Variants in ORC5 observed in about 807,000 individuals in gnomAD.
ORC5 encodes the protein protein phosphatase 1, regulatory subunit 117.
Under a neutral mutation model 58.8 loss-of-function variants are expected in ORC5, and 39 were observed. The ratio of observed to expected loss-of-function variants is 0.66; its 90% CI spans 0.51 to 0.87. ORC5 has a LOEUF of 0.87. Ranked by LOEUF, ORC5 falls within the 40% of genes least tolerant of loss-of-function variation. ORC5 has a pLI of 0.00. For missense variants in ORC5, 493 were observed against 506.3 expected (o/e 0.97, Z 0.25); for synonymous variants, 218 against 177.6 (o/e 1.23, Z -1.81).
intron 11 of ORC5, among the ~76,000 whole-genome samples, chr7:104,162,183 C>T (rs1443242876): frequency 6.6e-6 from 1 of 151,916 alleles, no homozygotes; most frequent in Admixed American, 6.6e-5. Flanking sequence ...ATATTTATTT[C>T]TTTTTTTGAG....
In ORC5 at chr7:104,136,258, C is replaced by T. The variant is rs1270013784; in HGVS notation, c.1262+523G>A. Reference sequence around the variant, plus strand: ...CACAATTCCTCATTCTACCACTCTCCTCGTGCCCCTTCAGTATGTATCCAT... The same window carrying T: ...CACAATTCCTCATTCTACCACTCTCTTCGTGCCCCTTCAGTATGTATCCAT... On this transcript the variant is annotated intron_variant, in intron 13 of 13. Coordinates refer to ENST00000297431, the MANE Select transcript of ORC5 (RefSeq NM_002553.4). The surrounding 1 kb of genome is among the most constrained non-coding windows in gnomAD (Gnocchi z 4.2). Among the ~76,000 whole-genome samples the T allele has an allele frequency of 1.3e-5, 2 of 152,018 alleles. No individual in the cohort carries two copies. Among genetic ancestry groups the T allele is most frequent in the African/African-American group, 4.8e-5 (2 of 41,384 alleles).
chr7:104,161,367 T>C (rs1018848534), intron 11 of ORC5, among the ~76,000 whole-genome samples, 185 bp from the exon 12 acceptor site: 3 of 152,262 alleles, frequency 2.0e-5, no homozygotes, highest in African/African-American at 7.2e-5. Flanking sequence ...ATCCTTTTTT[T>C]AAGTTTGTTT....
intron 5 of ORC5, among the ~76,000 whole-genome samples, chr7:104,193,399 T>C (rs796845427): frequency 1.3e-5 from 2 of 152,022 alleles, no homozygotes; most frequent in African/African-American, 4.8e-5. Flanking sequence ...ACACAATAAC[T>C]AAACCAAAAA....
At chr7:104,175,687 T>A (rs1007794871) in intron 8 of ORC5, among the ~76,000 whole-genome samples, 4 of 152,204 alleles carry the variant, frequency 2.6e-5, no homozygotes, top group African/African-American at 9.7e-5. Flanking sequence ...CATTTCTCTG[T>A]CTGGCATAAA....
In ORC5 at chr7:104,163,483, T is replaced by G. The variant is rs920441889; in HGVS notation, c.1038+1752A>C. ...AAAGCCACCATGGTTTGGGGGGTTT[T>G]GTTTTGTTTGTTTGTCTGTTTGAGA... On this transcript the variant is annotated intron_variant, in intron 11 of 13. Transcript: ENST00000297431. 3.3e-5 allele frequency among the ~76,000 whole-genome samples: 5 copies of G among 152,204 alleles called. No homozygotes were observed. In the East Asian group the frequency reaches 9.7e-4, roughly 29 times the overall value.
At chr7:104,185,817 T>C (rs1481085148) in intron 6 of ORC5, among the ~76,000 whole-genome samples, 1 of 151,948 alleles carries the variant, frequency 6.6e-6, no homozygotes, top group Non-Finnish European at 1.5e-5. Flanking sequence ...TATATTAGTT[T>C]GTTCCCAAGT....
intron 12 of ORC5, among the ~76,000 whole-genome samples, chr7:104,147,563 C>T (rs1252246988): frequency 2.0e-5 from 3 of 152,130 alleles, no homozygotes; most frequent in Non-Finnish European, 4.4e-5. Context: ...ATCAATACTT[C>T]ACTTAATAGA....
chr7:104,177,737 G>A (rs1002945438), intron 8 of ORC5, among the ~76,000 whole-genome samples: 3 of 151,892 alleles, frequency 2.0e-5, no homozygotes, highest in South Asian at 2.1e-4. Context: ...CCTCCACCCC[G>A]CAAAAGGCCC....
intron 9 of ORC5, 110 bp from the exon 10 acceptor site, chr7:104,166,994 C>T (rs1274963024): frequency 3.2e-6 from 2 of 619,632 alleles, no homozygotes; most frequent in Admixed American, 5.8e-5. Context: ...GTCAAAATGA[C>T]CTATTTCCTT....
intron 13 of ORC5, 26 bp from the exon 14 acceptor site, chr7:104,126,919 T>C (rs1798437089): frequency 3.3e-6 from 5 of 1,529,146 alleles, no homozygotes; most frequent in Non-Finnish European, 4.5e-6. Flanking sequence ...GATAATATGT[T>C]AGCATTCTCA....
At chr7:104,200,573 C>T (rs1177598120) in intron 3 of ORC5, among the ~76,000 whole-genome samples, 185 bp downstream of exon 3, 1 of 152,164 alleles carries the variant, frequency 6.6e-6, no homozygotes, top group African/African-American at 2.4e-5. Flanking sequence ...ATGTATGTGT[C>T]ATACCTTTTC....
chr7:104,168,302 A>G, intron 9 of ORC5, 171 bp downstream of exon 9: 1 of 1,193,284 alleles, frequency 8.4e-7, no homozygotes, highest in Non-Finnish European at 1.1e-6. Flanking sequence ...CCATTAAATT[A>G]GAGCTTCAGT....
At chr7:104,190,389 CAAT>C (rs1382575689) in intron 5 of ORC5, among the ~76,000 whole-genome samples, 2 of 152,014 alleles carry the variant, frequency 1.3e-5, no homozygotes, top group Admixed American at 1.3e-4. Context: ...TCTTTTTTTA[CAAT>C]AATCATCACC....
chr7:104,184,129 C>T lies in ORC5; in HGVS notation c.727G>A (p.Gly243Arg). The change falls in exon 7 of 14, where the codon GGA (glycine) becomes AGA (arginine). Residue 243 changes from glycine to arginine, a missense_variant. Around this residue, in one of 3 missense-constraint regions of ORC5, gnomAD observed 412 missense variants for 403.7 expected, o/e 1.02. Coordinates refer to ENST00000297431, the MANE Select transcript of ORC5 (RefSeq NM_002553.4). Reference protein sequence around the residue: ...FPKYCEPVVKGEASERDTRKL... With the variant: ...FPKYCEPVVKREASERDTRKL... ...AGTAAAATTACACAGTTACCTTCTC[C>T]TTTAACCACGGGTTCACAATATTTA... 1 of 1,589,844 alleles carries T rather than the reference C, an allele frequency of 6.3e-7. No individual in the cohort carries two copies. Among genetic ancestry groups the T allele is most frequent in the Non-Finnish European group, 8.6e-7 (1 of 1,163,640 alleles).
chr7:104,130,340 T>C (rs1388901815), intron 13 of ORC5, among the ~76,000 whole-genome samples: 1 of 152,190 alleles, frequency 6.6e-6, no homozygotes, highest in Non-Finnish European at 1.5e-5. Flanking sequence ...CTATATCCTC[T>C]ATCTCTTCAA....
chr7:104,204,529 A>G (rs1438991725), intron 1 of ORC5, among the ~76,000 whole-genome samples: 1 of 152,194 alleles, frequency 6.6e-6, no homozygotes, highest in Non-Finnish European at 1.5e-5. Flanking sequence ...TTTCAACTTC[A>G]TAGCAGATTT....
chr7:104,158,410 G>A (rs12705178), intron 12 of ORC5, among the ~76,000 whole-genome samples: 64,147 of 151,628 alleles, frequency 0.42, 15,989 homozygotes, highest in Non-Finnish European at 0.57. Context: ...CAGGACATAG[G>A]CATGGGCAAG....
At chr7:104,179,356 A>T (rs1354913112) in intron 8 of ORC5, among the ~76,000 whole-genome samples, 1 of 152,168 alleles carries the variant, frequency 6.6e-6, no homozygotes, top group Non-Finnish European at 1.5e-5. Context: ...CATGTCATGG[A>T]TGGTTTACGT....
chr7:104,141,694 A>C lies in ORC5; in HGVS notation c.1150-4801T>G, dbSNP rs185277760. Among the ~76,000 whole-genome samples, 398 of 152,322 alleles carry C rather than the reference A, an allele frequency of 2.6e-3. 2 individuals are homozygous for C. The highest frequency in any genetic ancestry group is 8.1e-3 in the African/African-American group (335 of 41,582). ...ATACACTTACAATGAACTATCAAAAAACGAAATTTAAAAAAATCTAACTTA... is the reference window on the plus strand; with the variant it reads ...ATACACTTACAATGAACTATCAAAACACGAAATTTAAAAAAATCTAACTTA... On this transcript the variant is annotated intron_variant, in intron 12 of 13. Transcript: ENST00000297431.
Sources: gnomAD v4.1 joint callset for allele counts (sites outside exome capture counted in the v4.1 genomes callset) on GRCh38, gnomAD v4.1.1 for gene constraint, gnomAD v4.1.1 regional missense constraint, Gnocchi (gnomAD v3.1) non-coding constraint, MANE v1.5 for transcripts, NCBI Gene and HGNC (gene_info 2026-07-23, HGNC 2026-07-21) for gene names.